FMO5: variants seen among roughly 807,000 people sequenced by gnomAD.
FMO5 encodes the protein flavin-containing monooxygenase 5.
In FMO5, 51 loss-of-function variants were observed where a neutral mutation model predicts 43.6. The observed-to-expected ratio is 1.17, with a 90% CI of 0.93 to 1.48. FMO5 has a LOEUF of 1.48. Ranked by LOEUF, FMO5 falls within the 40% of genes most tolerant of loss-of-function variation. FMO5 has a pLI of 0.00. For missense variants in FMO5, 644 were observed against 643.0 expected (o/e 1.00, Z -0.02); for synonymous variants, 187 against 216.5 (o/e 0.86, Z 1.20).
chr1:147,193,714 T>A (rs587612054), intron 7 of FMO5, among the ~76,000 whole-genome samples: 4 of 152,298 alleles, frequency 2.6e-5, no homozygotes, highest in African/African-American at 7.2e-5. Context: ...GTGTCTTTGT[T>A]CCCATTGGTT....
At chr1:147,186,000 T>C (rs1655584922), downstream of FMO5, among the ~76,000 whole-genome samples, 1 of 152,166 alleles carries the variant, frequency 6.6e-6, no homozygotes, top group South Asian at 2.1e-4. Context: ...AATACTTACT[T>C]AGACTCCATG....
At chr1:147,206,894 T>C (rs1282190215) in intron 6 of FMO5, among the ~76,000 whole-genome samples, 1 of 151,934 alleles carries the variant, frequency 6.6e-6, no homozygotes, top group African/African-American at 2.4e-5. Flanking sequence ...ATAACAAACC[T>C]GCACGTTGTG....
intron 7 of FMO5, among the ~76,000 whole-genome samples, chr1:147,191,029 C>T (rs1363515086): frequency 7.2e-5 from 11 of 152,084 alleles, no homozygotes; most frequent in African/African-American, 2.2e-4. Context: ...TTTTTTATGG[C>T]TGCATAATAT....
chr1:147,200,253 T>C (rs1658744134), intron 7 of FMO5, among the ~76,000 whole-genome samples: 1 of 152,228 alleles, frequency 6.6e-6, no homozygotes, highest in Admixed American at 6.5e-5. Flanking sequence ...GAAGCTATAC[T>C]GAGTAAATCT....
chr1:147,187,279 A>G (rs782687276), intron 8 of FMO5, 34 bp from the exon 9 acceptor site: 5 of 1,483,906 alleles, frequency 3.4e-6, no homozygotes, highest in Non-Finnish European at 4.6e-6. Context: ...ATGGCCTGTC[A>G]ATAATTCAAT....
At chr1:147,193,681 T>C (rs1657356606) in intron 7 of FMO5, among the ~76,000 whole-genome samples, 1 of 152,190 alleles carries the variant, frequency 6.6e-6, no homozygotes. Flanking sequence ...GCTTTAAATG[T>C]GTTCCAGAGA....
At chr1:147,224,818 A>G in intron 2 of FMO5, 77 bp downstream of exon 2, 1 of 1,448,108 alleles carries the variant, frequency 6.9e-7, no homozygotes, top group Admixed American at 1.7e-5. Flanking sequence ...GCCACCTGAC[A>G]CTGTTAAGAT....
At chr1:147,201,049 G>A in intron 7 of FMO5, 103 bp downstream of exon 7, 1 of 818,228 alleles carries the variant, frequency 1.2e-6, no homozygotes, top group Non-Finnish European at 2.0e-6. Context: ...GCTAGGCACT[G>A]TTGTAATCAT....
intron 5 of FMO5, among the ~76,000 whole-genome samples, chr1:147,209,416 C>A (rs1302352726): frequency 6.7e-5 from 8 of 119,222 alleles, no homozygotes; most frequent in Admixed American, 1.1e-4. Flanking sequence ...CCAGCCTGGG[C>A]AACAGAGTGA....
intron 4 of FMO5, 130 bp downstream of exon 4, chr1:147,213,178 G>T: frequency 1.3e-6 from 1 of 776,244 alleles, no homozygotes; most frequent in Non-Finnish European, 1.9e-6. Flanking sequence ...TCCTTCTGGG[G>T]AACAAGAATA....
intron 2 of FMO5, among the ~76,000 whole-genome samples, chr1:147,218,223 A>G (rs587649360): frequency 6.9e-6 from 1 of 145,784 alleles, no homozygotes; most frequent in East Asian, 2.0e-4. Flanking sequence ...TTAGTAAATT[A>G]TAGTATCTCA....
chr1:147,195,079 C>T (rs1359197815), intron 7 of FMO5, among the ~76,000 whole-genome samples: 4 of 152,046 alleles, frequency 2.6e-5, no homozygotes, highest in Admixed American at 2.6e-4. Context: ...GGGAAGTTCT[C>T]CTGGATAATA....
At chr1:147,199,757 GC>G (rs1658659535) in intron 7 of FMO5, among the ~76,000 whole-genome samples, 1 of 152,172 alleles carries the variant, frequency 6.6e-6, no homozygotes, top group Admixed American at 6.5e-5. Flanking sequence ...TACATAATCT[GC>G]TGGATAGGAC....
chr1:147,194,099 C>T (rs1171298672), intron 7 of FMO5, among the ~76,000 whole-genome samples: 2 of 152,084 alleles, frequency 1.3e-5, no homozygotes, highest in African/African-American at 4.8e-5. Flanking sequence ...CTAATGTTGA[C>T]AGTGGGGTGT....
At chr1:147,192,650 G>C (rs1657101352) in intron 7 of FMO5, among the ~76,000 whole-genome samples, 1 of 152,100 alleles carries the variant, frequency 6.6e-6, no homozygotes, top group Non-Finnish European at 1.5e-5. Context: ...CTGTGGGTTT[G>C]TCATAGGTAG....
At chr1:147,205,905 A>G (rs1474937562) in intron 6 of FMO5, among the ~76,000 whole-genome samples, 1 of 152,144 alleles carries the variant, frequency 6.6e-6, no homozygotes, top group Non-Finnish European at 1.5e-5. Flanking sequence ...CAAAAGCCAA[A>G]ATTGACAAAT....
chr1:147,208,812 C>T (rs1553923039), intron 6 of FMO5, 40 bp downstream of exon 6: 2 of 1,545,148 alleles, frequency 1.3e-6, no homozygotes, highest in East Asian at 4.5e-5. Flanking sequence ...TATTCTTGTG[C>T]TTTGGCCACT....
rs6684454 is a variant in FMO5, at chr1:147,208,832, C to T, written c.830+20G>A. On this transcript the variant is annotated intron_variant, in intron 6 of 8. Coordinates refer to ENST00000254090, the MANE Select transcript of FMO5 (RefSeq NM_001461.4). ...TTGTGCTTTGGCCACTATCCCTGCA[C>T]TCCCATCCTGGGAACATACCTGTGT... 0.031 allele frequency: 50,385 copies of T among 1,602,378 alleles called. 1,173 individuals carry two copies. Among genetic ancestry groups the T allele is most frequent in the South Asian group, 0.09 (8,189 of 90,710 alleles).
At chr1:147,200,262 C>A (rs1275479268) in intron 7 of FMO5, among the ~76,000 whole-genome samples, 1 of 152,200 alleles carries the variant, frequency 6.6e-6, no homozygotes, top group Admixed American at 6.5e-5. Flanking sequence ...CTGAGTAAAT[C>A]TAATCCTTCT....
Sources: allele counts gnomAD v4.1 joint callset (sites outside exome capture counted in the v4.1 genomes callset), GRCh38; gene constraint gnomAD v4.1.1; transcripts MANE v1.5; gene names NCBI Gene and HGNC (gene_info 2026-07-23, HGNC 2026-07-21).